Variants in NRG3 observed in about 807,000 individuals in gnomAD.
NRG3 encodes the protein pro-neuregulin-3, membrane-bound isoform.
NRG3 carries 31 observed loss-of-function variants against 66.9 expected under a neutral mutation model. The ratio of observed to expected loss-of-function variants is 0.46; its 90% confidence interval spans 0.35 to 0.63. NRG3 has a LOEUF of 0.63. Ranked by LOEUF, NRG3 falls within the 20% of genes least tolerant of loss-of-function variation. NRG3 has a pLI of 0.00. For missense variants in NRG3, 910 were observed against 878.9 expected (o/e 1.04, Z -0.45); for synonymous variants, 393 against 359.4 (o/e 1.09, Z -1.06).
At chr10:82,052,289 C>T (rs961311315) in intron 1 of NRG3, among the ~76,000 whole-genome samples, 2 of 152,132 alleles carry the variant, frequency 1.3e-5, no homozygotes, top group Non-Finnish European at 1.5e-5. Flanking sequence ...TTCACCAGTA[C>T]TCTTTCAGAT....
At chr10:82,896,559 T>G (rs1285068648) in intron 4 of NRG3, among the ~76,000 whole-genome samples, 1 of 152,238 alleles carries the variant, frequency 6.6e-6, no homozygotes, top group Non-Finnish European at 1.5e-5. Context: ...AGAAGAATGA[T>G]GTTTTGATTT....
At chr10:82,754,329 C>A (rs985024400) in intron 3 of NRG3, among the ~76,000 whole-genome samples, 1 of 151,312 alleles carries the variant, frequency 6.6e-6, no homozygotes, top group Admixed American at 6.6e-5. Context: ...AAAAGGAGAG[C>A]ATACCCTTCG....
chr10:82,055,710 T>TGACA, intron 1 of NRG3, among the ~76,000 whole-genome samples: 2 of 152,004 alleles, frequency 1.3e-5, no homozygotes, highest in South Asian at 2.1e-4. Context: ...ATGGGAAAAA[T>TGACA]GACAGCACAT....
chr10:82,912,249 C>T (rs183048323), intron 4 of NRG3, among the ~76,000 whole-genome samples: 4 of 152,150 alleles, frequency 2.6e-5, no homozygotes, highest in Non-Finnish European at 4.4e-5. Context: ...TAGAAGGGTT[C>T]AAGTCTTTAA....
chr10:82,446,827 G>A (rs755251160), intron 2 of NRG3, among the ~76,000 whole-genome samples: 24 of 152,120 alleles, frequency 1.6e-4, no homozygotes, highest in Non-Finnish European at 3.1e-4. Context: ...ACTGCTTCCC[G>A]CAATGTCCCC....
intron 3 of NRG3, among the ~76,000 whole-genome samples, chr10:82,779,059 G>A (rs1004320632): frequency 1.3e-4 from 20 of 152,044 alleles, no homozygotes; most frequent in African/African-American, 3.9e-4. Context: ...CCTGGGGCAG[G>A]GCATACTCTA....
intron 1 of NRG3, among the ~76,000 whole-genome samples, chr10:82,238,726 T>C (rs1019643033): frequency 1.2e-4 from 18 of 152,162 alleles, no homozygotes; most frequent in African/African-American, 4.3e-4. Context: ...TCCACTTTTT[T>C]GATTAAACAT....
intron 1 of NRG3, among the ~76,000 whole-genome samples, chr10:82,339,442 G>A (rs1302083739): frequency 2.6e-5 from 4 of 152,086 alleles, no homozygotes; most frequent in Non-Finnish European, 5.9e-5. Flanking sequence ...CAGAAGAAAC[G>A]CCAGAGGCTT....
intron 1 of NRG3, among the ~76,000 whole-genome samples, chr10:81,948,349 T>TA (rs1849033784): frequency 6.6e-6 from 1 of 152,150 alleles, no homozygotes; most frequent in African/African-American, 2.4e-5. Context: ...TCCAAACCCT[T>TA]AGATTCCAGA....
chr10:82,904,960 A>G (rs901468258), intron 4 of NRG3, among the ~76,000 whole-genome samples: 1 of 152,234 alleles, frequency 6.6e-6, no homozygotes, highest in Admixed American at 6.5e-5. Context: ...TGTAGAAAGC[A>G]TGATCTAAAT....
intron 2 of NRG3, among the ~76,000 whole-genome samples, chr10:82,650,986 G>A (rs575261295): frequency 2.0e-5 from 3 of 152,278 alleles, no homozygotes; most frequent in Admixed American, 2.0e-4. Context: ...TTTAAACAGA[G>A]AAGCTTTAGC....
intron 1 of NRG3, among the ~76,000 whole-genome samples, chr10:82,075,201 AT>A (rs1163260842): frequency 6.6e-6 from 1 of 151,804 alleles, no homozygotes; most frequent in African/African-American, 2.4e-5. Context: ...TTGCTCTTAG[AT>A]TTTCTTATGT....
At chr10:81,999,887 C>T (rs919686709) in intron 1 of NRG3, among the ~76,000 whole-genome samples, 1 of 152,176 alleles carries the variant, frequency 6.6e-6, no homozygotes, top group African/African-American at 2.4e-5. Flanking sequence ...AATCCAGACA[C>T]TTGCTTCAGT....
chr10:82,808,226 C>T (rs1005550612), intron 3 of NRG3, among the ~76,000 whole-genome samples: 2 of 150,624 alleles, frequency 1.3e-5, no homozygotes, highest in African/African-American at 2.4e-5. Context: ...GTAGTCAAGT[C>T]GCTATTTTGA....
rs145507585 is a variant in NRG3 at position 82,546,112 on chromosome 10, G to T, written c.953+187244G>T. 2.0e-5 allele frequency among the ~76,000 whole-genome samples: 3 copies of T among 152,276 alleles called. No homozygotes were observed. In the East Asian group the frequency reaches 5.8e-4, roughly 29 times the overall value. On this transcript the variant is annotated intron_variant, in intron 2 of 8. Coordinates refer to ENST00000372141, the MANE Select transcript of NRG3 (RefSeq NM_001010848.4). ...ACTTCATTCCTCTGTAATGGATTTT[G>T]CATGGCCACCTTGCAGGTAGAATCA... is the stretch of plus-strand genomic sequence containing the variant.
chr10:82,882,217 CT>C (rs1564599017), intron 4 of NRG3, among the ~76,000 whole-genome samples: 1 of 152,278 alleles, frequency 6.6e-6, no homozygotes, highest in East Asian at 1.9e-4. Flanking sequence ...TCTACTGTAA[CT>C]TTGCTAGATT....
At chr10:82,228,886 C>T (rs1764091) in intron 1 of NRG3, 15,828 of 152,238 alleles carry the variant, frequency 0.1, 897 homozygotes, top group Middle Eastern at 0.18. Context: ...GATGAAGCAA[C>T]TGGAGGGTCG....
chr10:82,931,901 A>G (rs1242169772), intron 4 of NRG3, among the ~76,000 whole-genome samples: 14 of 152,068 alleles, frequency 9.2e-5, no homozygotes, highest in African/African-American at 3.4e-4. Flanking sequence ...AGTCCCAGGT[A>G]TTTTCCTCAT....
chr10:82,758,366 T>A (rs1210689194), intron 3 of NRG3, among the ~76,000 whole-genome samples: 2 of 152,070 alleles, frequency 1.3e-5, no homozygotes, highest in African/African-American at 2.4e-5. Flanking sequence ...AATGACCAGA[T>A]CAGCATCTAT....
Sources: gnomAD v4.1 joint callset for allele counts (sites outside exome capture counted in the v4.1 genomes callset) on GRCh38, gnomAD v4.1.1 for gene constraint, MANE v1.5 for transcripts, NCBI Gene and HGNC (gene_info 2026-07-23, HGNC 2026-07-21) for gene names.